Variants in PFKP observed in about 807,000 individuals in gnomAD.
The protein encoded by PFKP is phosphofructokinase, platelet.
A neutral mutation model predicts 94.3 loss-of-function variants in PFKP; 101 were observed. The ratio of observed to expected loss-of-function variants is 1.07; its 90% CI spans 0.91 to 1.26. The LOEUF is 1.26. PFKP is among the 50% of genes most tolerant of loss of function. The probability of loss-of-function intolerance (pLI) is 0.00; values close to 1 mark genes in which losing one functional copy is unlikely to be tolerated. For synonymous variants in PFKP, 573 were observed against 432.6 expected (o/e 1.32, Z -4.03); for missense variants, 1,145 against 1,103.3 (o/e 1.04, Z -0.53).
At chr10:3,100,879 A>AAAAAAAAAAAAAT (rs781625573) in intron 3 of PFKP, 2 of 1,144,360 alleles carry the variant, frequency 1.7e-6, no homozygotes, top group Non-Finnish European at 2.5e-6. Context: ...AAAAAAAAAA[A>AAAAAAAAAAAAAT]AAATCCCCCT....
rs1250511108 is a variant in PFKP at position 3,105,444 on chromosome 10, T to C, written c.717T>C (p.Leu239=). ...CCTGCGGTGCGGACTGGGTGTTCCT[T>C]CCAGAATCTCCACCAGAGGAAGGCT... ...ALACGADWVF[L]PESPPEEGWE... is the part of the protein sequence containing the mutation. Residue 239 remains leucine (L), a synonymous_variant, in exon 7 of 22, where the codon CTT becomes CTC. Transcript: ENST00000381125. The C allele has an allele frequency of 6.2e-7, 1 of 1,613,908 alleles. No homozygotes were observed. The highest frequency in any genetic ancestry group is 2.2e-5 in the East Asian group (1 of 44,864).
intron 2 of PFKP, among the ~76,000 whole-genome samples, chr10:3,087,996 T>TC (rs1833743562): frequency 2.0e-5 from 3 of 150,262 alleles, no homozygotes. Context: ...TTTTTTTTTT[T>TC]TTTTTTTTTT....
At chr10:3,068,875 C>A (rs1831947578) in intron 1 of PFKP, 2 of 217,756 alleles carry the variant, frequency 9.2e-6, no homozygotes, top group Non-Finnish European at 1.6e-5. Context: ...CGTGGAAAGG[C>A]CCGGATGGCG....
At chr10:3,078,288 C>A (rs1038691435) in intron 1 of PFKP, among the ~76,000 whole-genome samples, 3 of 152,208 alleles carry the variant, frequency 2.0e-5, no homozygotes, top group Non-Finnish European at 1.5e-5. Context: ...TGCACGTCTT[C>A]GTCCCTGTCC....
intron 9 of PFKP, 123 bp downstream of exon 9, chr10:3,108,916 G>C (rs911218921): frequency 7.4e-5 from 54 of 734,220 alleles, no homozygotes; most frequent in Non-Finnish European, 1.2e-4. Flanking sequence ...CCGCGGCCCG[G>C]CCCTCATCTT....
chr10:3,077,871 C>G (rs1462841351), intron 1 of PFKP, among the ~76,000 whole-genome samples: 1 of 152,196 alleles, frequency 6.6e-6, no homozygotes, highest in Non-Finnish European at 1.5e-5. Flanking sequence ...AAACCGCTCC[C>G]TCATTATCTC....
At chr10:3,090,326 T>G (rs558639080) in intron 2 of PFKP, among the ~76,000 whole-genome samples, 44 of 152,322 alleles carry the variant, frequency 2.9e-4, no homozygotes, top group Admixed American at 2.7e-3. Context: ...AATCAACCTT[T>G]CATTTCTGTG....
chr10:3,133,331 A>T lies in PFKP; in HGVS notation c.2022+17A>T. 1 of 1,493,126 alleles carries T rather than the reference A, an allele frequency of 6.7e-7. No homozygotes were observed. The highest frequency in any genetic ancestry group is 9.4e-7 in the Non-Finnish European group (1 of 1,069,380). 92.5% of individuals were successfully genotyped at this position (1,493,126 alleles called of 1,614,324 possible). On this transcript the variant is annotated intron_variant, in intron 19 of 21. Coordinates refer to ENST00000381125, the MANE Select transcript of PFKP (RefSeq NM_002627.5). ...ATGCAGCAGGTAGGCCCGAGACTGC[A>T]TGAGGGGCCACAAAGCCCCTGTCAT...
chr10:3,130,440 G>C (rs1001042888), intron 17 of PFKP, among the ~76,000 whole-genome samples: 1 of 152,152 alleles, frequency 6.6e-6, no homozygotes, highest in African/African-American at 2.4e-5. Flanking sequence ...GAAGGGTGTC[G>C]CTGACCCCGC....
At chr10:3,080,066 A>G (rs962225100) in intron 1 of PFKP, among the ~76,000 whole-genome samples, 2 of 151,700 alleles carry the variant, frequency 1.3e-5, no homozygotes, top group East Asian at 2.0e-4. Flanking sequence ...TCCGAGCAAG[A>G]GCACTGGTGG....
intron 2 of PFKP, among the ~76,000 whole-genome samples, chr10:3,094,921 C>G (rs983289719): frequency 2.6e-5 from 4 of 152,130 alleles, no homozygotes; most frequent in African/African-American, 9.7e-5. Flanking sequence ...CAGCAAAGCC[C>G]CTACATCTCT....
rs1042455960 is a variant in PFKP, at chr10:3,130,433, G to A, written c.1848+450G>A. On this transcript the variant is annotated intron_variant, in intron 17 of 21. Transcript: ENST00000381125. ...CGGCATCTGTGGCTCTTTTAGGGAA[G>A]GGTGTCGCTGACCCCGCGGTCTGCC... Among the ~76,000 whole-genome samples the A allele has an allele frequency of 4.6e-5, 7 of 152,172 alleles. No individual in the cohort carries two copies. In the South Asian group the frequency reaches 6.2e-4, roughly 14 times the overall value.
intron 2 of PFKP, among the ~76,000 whole-genome samples, chr10:3,093,931 C>T (rs919327949): frequency 1.1e-4 from 17 of 152,238 alleles, no homozygotes; most frequent in Non-Finnish European, 2.1e-4. Context: ...GCGTGAGCCA[C>T]CGCATCTGTC....
intron 1 of PFKP, among the ~76,000 whole-genome samples, chr10:3,071,427 GTTT>G (rs569603765): frequency 0.031 from 2,830 of 92,438 alleles, 31 homozygotes; most frequent in African/African-American, 0.085. Context: ...GTCTCAGGCT[GTTT>G]TTTTTTTTTT....
chr10:3,132,427 A>G lies in PFKP; in HGVS notation c.1896A>G (p.Arg632=). 6.2e-7 allele frequency: 1 copy of G among 1,610,712 alleles called. No homozygotes were observed. The highest frequency in any genetic ancestry group is 8.5e-7 in the Non-Finnish European group (1 of 1,176,954). The change falls in exon 18 of 22, where the codon AGA becomes AGG. Residue 632 remains arginine, a synonymous_variant. Transcript: ENST00000381125. Reference sequence around the variant, plus strand: ...AGAAAATGAAGACCACCATCCAGAGAGGCCTTGTGCTCAGGTGAGAGAGAG... The same window carrying G: ...AGAAAATGAAGACCACCATCCAGAGGGGCCTTGTGCTCAGGTGAGAGAGAG... ...LTEKMKTTIQ[R]GLVLRNESCS...
rs576765354 is a variant in PFKP at position 3,133,453 on chromosome 10, CAG to C, written c.2022+142_2022+143del. The C allele has an allele frequency of 1.6e-4, 102 of 653,634 alleles. 1 individual carries two copies. In the Middle Eastern group the frequency reaches 5.7e-3, roughly 36 times the overall value. 40.5% of individuals were successfully genotyped at this position (653,634 alleles called of 1,614,324 possible). ...TAAAAAACATCTGAACTTTTTGAGA[CAG>C]AGTCTTGCTCTGTTGCCCAGGCTGG... On this transcript the variant is annotated intron_variant, in intron 19 of 21. Transcript: ENST00000381125.
intron 8 of PFKP, among the ~76,000 whole-genome samples, chr10:3,108,395 C>A (rs879475619): frequency 2.0e-5 from 3 of 152,168 alleles, no homozygotes; most frequent in Non-Finnish European, 2.9e-5. Context: ...AGTTTAAATG[C>A]AAGCTACTGA....
Position 3,118,562 on chromosome 10 carries a change from C to T in PFKP, c.1443-220C>T, listed in dbSNP as rs1380069952. On this transcript the variant is annotated intron_variant, in intron 14 of 21. Transcript: ENST00000381125. The stretch of plus-strand genomic sequence containing the variant: ...TTAGGTCAAGGTATGAGCTGAAATG[C>T]TTTATTCCATTTTCTCATGAAAACA... Among the ~76,000 whole-genome samples the T allele has an allele frequency of 3.9e-5, 6 of 152,198 alleles. No homozygotes were observed. In the East Asian group the frequency reaches 1.2e-3, roughly 29 times the overall value.
chr10:3,100,861 G>GC (rs1231531224), intron 3 of PFKP: 4 of 317,380 alleles, frequency 1.3e-5, no homozygotes, highest in South Asian at 6.4e-5. Flanking sequence ...AGTATGTGGT[G>GC]CAAAAAAAAA....
Sources: allele counts gnomAD v4.1 joint callset (sites outside exome capture counted in the v4.1 genomes callset), GRCh38; gene constraint gnomAD v4.1.1; transcripts MANE v1.5; gene names NCBI Gene and HGNC (gene_info 2026-07-23, HGNC 2026-07-21).